SLC37A3: variants seen among roughly 807,000 people sequenced by gnomAD.
The protein encoded by SLC37A3 is sugar phosphate exchanger 3.
Under a neutral mutation model 67.1 loss-of-function variants are expected in SLC37A3, and 51 were observed. The observed-to-expected ratio is 0.76, with a 90% CI of 0.61 to 0.96. The LOEUF (loss-of-function observed/expected upper bound fraction) is 0.96. SLC37A3 is among the 40% of genes least tolerant of loss of function. SLC37A3 has a pLI of 0.00. For missense variants in SLC37A3, 508 were observed against 603.0 expected (o/e 0.84, Z 1.65); for synonymous variants, 214 against 231.4 (o/e 0.92, Z 0.68).
In SLC37A3 at chr7:140,382,459, A is replaced by G; in HGVS notation, c.68T>C (p.Val23Ala). ...TTACCTGAAGAAAGTGAGCAGGAAC[A>G]CTACAACATGATGATGGCTGAACTG... The part of the protein sequence containing the change: ...LSQFSHHHVV[V>A]FLLTFFSYSL... Residue 23 changes from valine to alanine, a missense_variant, in exon 2 of 15, where the codon GTG (valine) becomes GCG (alanine). Transcript: ENST00000326232. The G allele has an allele frequency of 6.2e-7, 1 of 1,614,176 alleles. No individual in the cohort carries two copies. The highest frequency in any genetic ancestry group is 8.5e-7 in the Non-Finnish European group (1 of 1,180,000).
chr7:140,334,942 A>T lies in SLC37A3; in HGVS notation c.*470T>A, dbSNP rs1139906. On this transcript the variant is annotated 3_prime_UTR_variant, in exon 15 of 15. Transcript: ENST00000326232. ...CATTTGATCAGGATTTGATGCTTCA[A>T]AGATGACCCACTCTCTGTAAACTCA... 18,604 of 338,702 alleles carry T rather than the reference A, an allele frequency of 0.055. 612 individuals carry two copies. The highest frequency in any genetic ancestry group is 0.072 in the Non-Finnish European group (12,627 of 176,174). 21.0% of individuals were successfully genotyped at this position (338,702 alleles called of 1,614,324 possible). A position where few individuals can be genotyped will look rare whatever the true frequency, so the allele number is the denominator to read the frequency against.
intron 5 of SLC37A3, among the ~76,000 whole-genome samples, chr7:140,363,714 A>G (rs1359112342): frequency 1.6e-5 from 2 of 124,452 alleles, no homozygotes; most frequent in Non-Finnish European, 3.5e-5. Flanking sequence ...ATAAAAAAAT[A>G]AAAAAAAAAG....
chr7:140,341,560 A>C (rs982099859), intron 13 of SLC37A3, among the ~76,000 whole-genome samples: 1 of 152,210 alleles, frequency 6.6e-6, no homozygotes, highest in African/African-American at 2.4e-5. Flanking sequence ...ACGCTAAGTC[A>C]CAGAGTTTGG....
rs774766371 is a variant in SLC37A3, at chr7:140,351,406, T to C, written c.749A>G (p.His250Arg). 4 of 1,614,230 alleles carry C rather than the reference T, an allele frequency of 2.5e-6. No homozygotes were observed. Among genetic ancestry groups the C allele is most frequent in the African/African-American group, 1.3e-5 (1 of 75,068 alleles). Residue 250 changes from histidine to arginine, a missense_variant, in exon 9 of 15, where the codon CAC becomes CGC. By Grantham distance (29) the His-to-Arg change is conservative (BLOSUM62 0). Transcript: ENST00000326232. ...TTCACCACCATTAATTAATGGCCTG[T>C]GTGAGTCTTCTTCAAAGTTTTCTTC... Reference protein sequence around the residue: ...EAEENFEEDSHRPLINGGENE... With the variant: ...EAEENFEEDSRRPLINGGENE...
rs569247883 is a variant in SLC37A3 at position 140,380,267 on chromosome 7, C to T, written c.198+15G>A. ...TCTCCTACTTCGATCCATCCCAGCA[C>T]TCTGTTCTGCTTACCTCCACAGGCA... is the stretch of plus-strand genomic sequence containing the variant. On this transcript the variant is annotated intron_variant, in intron 3 of 14. Coordinates refer to ENST00000326232, the MANE Select transcript of SLC37A3 (RefSeq NM_207113.3). The T allele has an allele frequency of 1.3e-5, 21 of 1,559,010 alleles. No homozygotes were observed. The highest frequency in any genetic ancestry group is 1.7e-4 in the Middle Eastern group (1 of 5,942).
At position 140,351,461 on chromosome 7, in the gene SLC37A3, C is replaced by A; in HGVS notation, c.704-10G>T. The A allele has an allele frequency of 6.2e-7, 1 of 1,611,926 alleles. No homozygotes were observed. Among genetic ancestry groups the A allele is most frequent in the Non-Finnish European group, 8.5e-7 (1 of 1,178,858 alleles). On this transcript the variant is annotated splice_polypyrimidine_tract_variant and intron_variant, in intron 8 of 14. Transcript: ENST00000326232. ...TCAATACCCGAGAGACCTAAAATAA[C>A]AGCGACAGCCACTGTTTATGGAGTG...
At chr7:140,379,674 C>T (rs1167277853) in intron 3 of SLC37A3, among the ~76,000 whole-genome samples, 4 of 151,212 alleles carry the variant, frequency 2.6e-5, no homozygotes, top group Non-Finnish European at 5.9e-5. Flanking sequence ...GGGTGGATTG[C>T]TTGAGCTCAG....
In SLC37A3 at chr7:140,351,440, T is replaced by C; in HGVS notation, c.715A>G (p.Ile239Val). ...VSPEEIGLSG[I>V]EAEENFEEDS... ...TCTTCAAAGTTTTCTTCTGCCTCAATACCCGAGAGACCTAAAATAACAGCG... is the reference window on the plus strand; with the variant it reads ...TCTTCAAAGTTTTCTTCTGCCTCAACACCCGAGAGACCTAAAATAACAGCG... Residue 239 changes from isoleucine (I) to valine (V), a missense_variant, in exon 9 of 15, where the codon ATT becomes GTT. Physicochemically the swap from Ile to Val is conservative, Grantham distance 29. Coordinates refer to ENST00000326232, the MANE Select transcript of SLC37A3 (RefSeq NM_207113.3). 6.2e-7 allele frequency: 1 copy of C among 1,613,990 alleles called. No individual in the cohort carries two copies.
chr7:140,359,342 CAAAAAAAAAA>C (rs11389043), intron 5 of SLC37A3, among the ~76,000 whole-genome samples: 16 of 116,876 alleles, frequency 1.4e-4, no homozygotes, highest in African/African-American at 4.8e-4. Flanking sequence ...GACTCTGTCT[CAAAAAAAAAA>C]AAAAAAAGTA....
chr7:140,348,474 TTTTTGAG>T, intron 10 of SLC37A3, 145 bp downstream of exon 10: 5 of 714,542 alleles, frequency 7.0e-6, no homozygotes, highest in South Asian at 3.7e-5. Context: ...TTTTTTTTTT[TTTTTGAG>T]TTTGGCTGTT....
At chr7:140,378,669 G>A (rs1258041573) in intron 3 of SLC37A3, among the ~76,000 whole-genome samples, 5 of 151,496 alleles carry the variant, frequency 3.3e-5, no homozygotes, top group Non-Finnish European at 4.4e-5. Context: ...CCCGGGAGGC[G>A]GATGTTGCAG....
intron 3 of SLC37A3, among the ~76,000 whole-genome samples, chr7:140,378,683 G>C (rs1416976434): frequency 6.7e-6 from 1 of 150,034 alleles, no homozygotes; most frequent in Non-Finnish European, 1.5e-5. Context: ...GTTGCAGTGA[G>C]CCGAGATCAT....
chr7:140,363,667 G>A, intron 5 of SLC37A3, among the ~76,000 whole-genome samples: 1 of 104,664 alleles, frequency 9.6e-6, no homozygotes, highest in Non-Finnish European at 1.9e-5. Context: ...CCCCCTCTGC[G>A]AGAAACACCC....
intron 7 of SLC37A3, among the ~76,000 whole-genome samples, chr7:140,352,702 C>A (rs1016304750): frequency 1.3e-5 from 2 of 152,010 alleles, no homozygotes; most frequent in African/African-American, 4.8e-5. Context: ...ACACGGTAAG[C>A]AAAGACACAG....
At chr7:140,339,395 G>A (rs540417757) in intron 13 of SLC37A3, among the ~76,000 whole-genome samples, 58 of 151,194 alleles carry the variant, frequency 3.8e-4, no homozygotes, top group African/African-American at 1.3e-3. Context: ...TGAGTAGCTG[G>A]GATTACAGGC....
chr7:140,346,038 C>T (rs753892555), intron 10 of SLC37A3, 68 bp from the exon 11 acceptor site: 108 of 1,133,234 alleles, frequency 9.5e-5, no homozygotes, highest in Non-Finnish European at 1.4e-4. Flanking sequence ...GCGTGCTCCC[C>T]ATTTGCCCTC....
chr7:140,396,077 G>A (rs370463277), intron 1 of SLC37A3, among the ~76,000 whole-genome samples: 16 of 151,420 alleles, frequency 1.1e-4, no homozygotes, highest in Admixed American at 2.6e-4. Flanking sequence ...GTGCAGTGGC[G>A]TGATCATAGT....
intron 12 of SLC37A3, 74 bp from the exon 13 acceptor site, chr7:140,343,637 T>C: frequency 5.5e-6 from 8 of 1,466,198 alleles, no homozygotes; most frequent in East Asian, 2.3e-5. Flanking sequence ...GGCAAAATAA[T>C]ATCCGAATAG....
Position 140,358,696 on chromosome 7 carries a change from C to T in SLC37A3, c.465G>A (p.Gln155=), listed in dbSNP as rs1797136247. 6.2e-7 allele frequency: 1 copy of T among 1,614,046 alleles called. No homozygotes were observed. Among genetic ancestry groups the T allele is most frequent in the Admixed American group, 1.7e-5 (1 of 59,994 alleles). The change falls in exon 6 of 15, where the codon CAG becomes CAA. Residue 155 remains glutamine, a synonymous_variant. Coordinates refer to ENST00000326232, the MANE Select transcript of SLC37A3 (RefSeq NM_207113.3). ...CAACCACACAGGGCCAACCAGTGGACTGCAGCAGGCCGTTCACAATCCACA... is the reference window on the plus strand; with the variant it reads ...CAACCACACAGGGCCAACCAGTGGATTGCAGCAGGCCGTTCACAATCCACA... The part of the protein sequence containing the change: ...CCLWIVNGLL[Q]STGWPCVVAV...
Sources: allele counts gnomAD v4.1 joint callset (sites outside exome capture counted in the v4.1 genomes callset), GRCh38; gene constraint gnomAD v4.1.1; transcripts MANE v1.5; gene names NCBI Gene and HGNC (gene_info 2026-07-23, HGNC 2026-07-21).